The following CACNA1H variants were observed in gnomAD, a reference collection of about 807,000 sequenced individuals.
CACNA1H encodes the protein voltage-dependent T-type calcium channel subunit alpha-1H.
A neutral mutation model predicts 192.5 loss-of-function variants in CACNA1H; 149 were observed. That is an observed-to-expected ratio of 0.77 (90% CI 0.68 to 0.89). The LOEUF (loss-of-function observed/expected upper bound fraction) is 0.89. Among genes scored for constraint, CACNA1H ranks in the 40% least tolerant of loss-of-function variants. The pLI is 0.00. For synonymous variants in CACNA1H, 2,202 were observed against 1,475.2 expected, an observed-to-expected ratio of 1.49 and a Z score of -11.29; for missense variants, 4,257 against 3,423.5, an observed-to-expected ratio of 1.24 and a Z score of -6.08.
rs1379011576 is a variant in CACNA1H at position 1,200,795 on chromosome 16, T to C, written c.1199T>C (p.Ile400Thr). 6.4e-7 allele frequency: 1 copy of C among 1,551,834 alleles called. No individual in the cohort carries two copies. The highest frequency in any genetic ancestry group is 2.0e-5 in the Admixed American group (1 of 51,094). The change falls in exon 8 of 35, where the codon ATC (isoleucine) becomes ACC (threonine). Residue 400 changes from isoleucine to threonine, a missense_variant. Transcript: ENST00000348261. ...AHSFYNFIYF[I>T]LLIIVGSFFM... is the part of the protein sequence containing the mutation. ...TCATTCTACAACTTCATCTATTTCATCCTGCTCATCATCGTGAGTGTGGGC... is the reference window on the plus strand; with the variant it reads ...TCATTCTACAACTTCATCTATTTCACCCTGCTCATCATCGTGAGTGTGGGC...
intron 2 of CACNA1H, among the ~76,000 whole-genome samples, chr16:1,178,915 C>T (rs1965189157): frequency 1.3e-5 from 2 of 152,194 alleles, no homozygotes; most frequent in South Asian, 2.1e-4. Context: ...CCTTGCCAGC[C>T]CCGGAGGACC....
At chr16:1,182,959 A>C (rs1467165084) in intron 2 of CACNA1H, among the ~76,000 whole-genome samples, 2 of 152,008 alleles carry the variant, frequency 1.3e-5, no homozygotes, top group Non-Finnish European at 2.9e-5. Context: ...GGTTCTCAGG[A>C]GGGCAAGCCC....
chr16:1,221,241 G>A lies in CACNA1H; in HGVS notation c.*247G>A, dbSNP rs1168166532. The A allele has an allele frequency of 4.1e-6, 2 of 491,986 alleles. No individual in the cohort carries two copies. Among genetic ancestry groups the A allele is most frequent in the Admixed American group, 3.7e-5 (1 of 27,034 alleles). 30.5% of individuals were successfully genotyped at this position (491,986 alleles called of 1,614,324 possible). On this transcript the variant is annotated 3_prime_UTR_variant, in exon 35 of 35. Transcript: ENST00000348261. ...TTTTGCTACCAGCCGAGGCTGTGCG[G>A]GCAACTGGGTCAGCCTCCCGTCAGG...
chr16:1,156,685 A>G (rs188294649), intron 2 of CACNA1H, among the ~76,000 whole-genome samples: 216 of 152,276 alleles, frequency 1.4e-3, no homozygotes, highest in Non-Finnish European at 2.3e-3. Context: ...GGATTTGCTC[A>G]GGGAACCCAC....
intron 2 of CACNA1H, chr16:1,157,625 G>T (rs1191479512): frequency 1.3e-5 from 2 of 152,290 alleles, no homozygotes; most frequent in Non-Finnish European, 2.9e-5. Flanking sequence ...GGGCAGGACG[G>T]GGCTGGTCGT....
intron 2 of CACNA1H, among the ~76,000 whole-genome samples, chr16:1,163,163 T>C (rs750318421): frequency 2.2e-4 from 33 of 152,122 alleles, no homozygotes; most frequent in Non-Finnish European, 4.1e-4. Context: ...CGATCCTGGG[T>C]CCGGAGAGGC....
chr16:1,215,387 C>G lies in CACNA1H; in HGVS notation c.5173+12C>G, dbSNP rs372537247. 1.4e-6 allele frequency: 2 copies of G among 1,392,298 alleles called. No homozygotes were observed. Among genetic ancestry groups the G allele is most frequent in the East Asian group, 8.2e-5 (2 of 24,496 alleles). 86.2% of individuals were successfully genotyped at this position (1,392,298 alleles called of 1,614,324 possible). A position where few individuals can be genotyped will look rare whatever the true frequency, so the allele number is the denominator to read the frequency against. On this transcript the variant is annotated intron_variant, in intron 29 of 34. Transcript: ENST00000348261. ...TCGCATTGCCCGTGGTAGGTGCCCG[C>G]GTGCCCGCCAGGTTCTCTCTGCGGG... is the stretch of plus-strand genomic sequence containing the variant.
At chr16:1,189,390 G>T (rs779178150) in intron 2 of CACNA1H, among the ~76,000 whole-genome samples, 3 of 127,930 alleles carry the variant, frequency 2.3e-5, no homozygotes, top group Non-Finnish European at 1.6e-5. Context: ...GTGCCCTGAA[G>T]AGTGTCCTTT....
chr16:1,190,695 A>G (rs1357323127), intron 2 of CACNA1H, among the ~76,000 whole-genome samples: 4 of 152,230 alleles, frequency 2.6e-5, no homozygotes, highest in Non-Finnish European at 2.9e-5. Flanking sequence ...GAGCTGCCCC[A>G]CAGGCACAGG....
Position 1,221,193 on chromosome 16 carries a change from G to C in CACNA1H, c.*199G>C. On this transcript the variant is annotated 3_prime_UTR_variant, in exon 35 of 35. Transcript: ENST00000348261. ...TGCCGGGCCCCACGAGCCTCCGTCC[G>C]TTCTGGTTCGGGTTTCTCCGAGTTT... is the stretch of plus-strand genomic sequence containing the variant. 1 of 530,170 alleles carries C rather than the reference G, an allele frequency of 1.9e-6. No homozygotes were observed. Among genetic ancestry groups the C allele is most frequent in the Non-Finnish European group, 3.3e-6 (1 of 304,132 alleles). The allele number at this position is 530,170 out of a possible 1,614,324, so 32.8% of individuals were successfully genotyped here.
At position 1,207,094 on chromosome 16, in the gene CACNA1H, G is replaced by A. The variant is rs775780412; in HGVS notation, c.2883G>A (p.Leu961=). ...VPDRKNFDSL[L]WAIVTVFQIL... ...ACAGGAAGAACTTCGACTCCCTGCT[G>A]TGGGCCATCGTCACCGTGTTCCAGG... Residue 961 remains leucine, a synonymous_variant, in exon 13 of 35, where the codon CTG becomes CTA. Transcript: ENST00000348261. The A allele has an allele frequency of 4.4e-6, 7 of 1,597,250 alleles. No individual in the cohort carries two copies. Among genetic ancestry groups the A allele is most frequent in the East Asian group, 4.5e-5 (2 of 44,138 alleles).
chr16:1,183,117 C>T (rs1204021765), intron 2 of CACNA1H, among the ~76,000 whole-genome samples: 1 of 151,514 alleles, frequency 6.6e-6, no homozygotes, highest in African/African-American at 2.4e-5. Flanking sequence ...GGTGGGGCCC[C>T]AGGTGGCGGT....
chr16:1,207,983 T>C, intron 15 of CACNA1H, 30 bp from the exon 16 acceptor site: 1 of 1,573,970 alleles, frequency 6.4e-7, no homozygotes. Flanking sequence ...CTGGCAGCTC[T>C]AGGGGCCCAT....
Position 1,211,537 on chromosome 16 carries a change from C to G in CACNA1H, c.4407C>G (p.Thr1469=). 6.2e-7 allele frequency: 1 copy of G among 1,612,484 alleles called. No homozygotes were observed. The highest frequency in any genetic ancestry group is 8.5e-7 in the Non-Finnish European group (1 of 1,179,720). Residue 1469 remains threonine (T), a synonymous_variant, in exon 23 of 35, where the codon ACC becomes ACG. Coordinates refer to ENST00000348261, the MANE Select transcript of CACNA1H (RefSeq NM_021098.3). ...CEGPDTRNIS[T]KAQCRAAHYR... The stretch of plus-strand genomic sequence containing the variant: ...GCCCCGACACCAGGAACATCTCCAC[C>G]AAGGCACAGTGCCGGGCCGCCCACT...
intron 2 of CACNA1H, among the ~76,000 whole-genome samples, chr16:1,156,128 C>G (rs1962341187): frequency 6.6e-6 from 1 of 152,186 alleles, no homozygotes; most frequent in Non-Finnish European, 1.5e-5. Flanking sequence ...CTGGGTCTGC[C>G]TGCGGCACGG....
intron 2 of CACNA1H, among the ~76,000 whole-genome samples, chr16:1,181,517 C>T (rs1042068358): frequency 6.6e-6 from 1 of 152,246 alleles, no homozygotes; most frequent in Non-Finnish European, 1.5e-5. Flanking sequence ...AAGTGGCTGG[C>T]AGGGCCTCAA....
At position 1,167,555 on chromosome 16, in the gene CACNA1H, A is replaced by T. The variant is rs1314216512; in HGVS notation, c.299+13519A>T. On this transcript the variant is annotated intron_variant, in intron 2 of 34. Coordinates refer to ENST00000348261, the MANE Select transcript of CACNA1H (RefSeq NM_021098.3). The surrounding 1 kb of genome is among the most constrained non-coding windows in gnomAD (Gnocchi z 4.2). The stretch of plus-strand genomic sequence containing the variant: ...TCCTGTTACCTTTGCCAAGTCGAGG[A>T]AGGCTGGAGCCACACTCCTCACCGC... Among the ~76,000 whole-genome samples the T allele has an allele frequency of 6.6e-6, 1 of 152,156 alleles. No homozygotes were observed. The highest frequency in any genetic ancestry group is 6.5e-5 in the Admixed American group (1 of 15,286).
intron 2 of CACNA1H, among the ~76,000 whole-genome samples, chr16:1,161,095 T>G (rs1290961190): frequency 6.6e-6 from 1 of 152,172 alleles, no homozygotes; most frequent in Non-Finnish European, 1.5e-5. Context: ...TGCTTTGATG[T>G]CTGCAGAACT....
At chr16:1,197,258 A>G (rs1163256708) in intron 5 of CACNA1H, among the ~76,000 whole-genome samples, 2 of 152,238 alleles carry the variant, frequency 1.3e-5, no homozygotes, top group Non-Finnish European at 2.9e-5. Context: ...AGGAGTAACC[A>G]TGACCCCAAG....
Sources: gnomAD v4.1 joint callset for allele counts (sites outside exome capture counted in the v4.1 genomes callset) on GRCh38, gnomAD v4.1.1 for gene constraint, Gnocchi (gnomAD v3.1) non-coding constraint, MANE v1.5 for transcripts, NCBI Gene and HGNC (gene_info 2026-07-23, HGNC 2026-07-21) for gene names.